Variants in KNL1 observed in about 807,000 individuals in gnomAD.
The protein encoded by KNL1 is kinetochore scaffold 1, also known as outer kinetochore KNL1 complex subunit KNL1.
Under a neutral mutation model 201.3 loss-of-function variants are expected in KNL1, and 66 were observed. The ratio of observed to expected loss-of-function variants is 0.33; its 90% CI spans 0.27 to 0.40. The LOEUF is 0.40. Among genes scored for constraint, KNL1 ranks in the 10% least tolerant of loss-of-function variants. The pLI is 1.00. For synonymous variants in KNL1, 895 were observed against 899.2 expected (o/e 1.00, Z 0.08); for missense variants, 2,815 against 2,690.5 (o/e 1.05, Z -1.02).
At chr15:40,606,970 C>T (rs1011400716) in intron 4 of KNL1, among the ~76,000 whole-genome samples, 2 of 152,184 alleles carry the variant, frequency 1.3e-5, no homozygotes, top group African/African-American at 2.4e-5. Flanking sequence ...TGTTGCCCCA[C>T]GCTGGTCTTG....
chr15:40,597,000 CAAAA>C (rs35126045), intron 1 of KNL1, among the ~76,000 whole-genome samples: 2 of 90,510 alleles, frequency 2.2e-5, no homozygotes, highest in African/African-American at 4.3e-5. Context: ...AACTCCATCT[CAAAA>C]AAAAAAAAAA....
At chr15:40,650,637 G>C in intron 19 of KNL1, 54 bp downstream of exon 19, 1 of 1,456,932 alleles carries the variant, frequency 6.9e-7, no homozygotes, top group South Asian at 1.4e-5. Flanking sequence ...CAGAAGGCTA[G>C]ATGACTTCCT....
chr15:40,621,760 T>C lies in KNL1; in HGVS notation c.1496T>C (p.Phe499Ser). ...ACAGTTGCAATAGATAATCAAATTT[T>C]TAAACAAGATCAATCAAATGTGCAA... ...SHTVAIDNQI[F>S]KQDQSNVQIA... The change falls in exon 10 of 26, where the codon TTT (phenylalanine) becomes TCT (serine). Residue 499 changes from phenylalanine (F) to serine (S), a missense_variant. This residue lies in a region of KNL1 where 2,464 missense variants were observed against 2,291.7 expected (regional missense o/e 1.08). Transcript: ENST00000399668. 2 of 1,613,906 alleles carry C rather than the reference T, an allele frequency of 1.2e-6. No individual in the cohort carries two copies. The highest frequency in any genetic ancestry group is 2.2e-5 in the South Asian group (2 of 91,076).
rs886051142 is a variant in KNL1, at chr15:40,628,094, G to A, written c.5401G>A (p.Asp1801Asn). ...GATTTTTGATCACCATACTGAAGAGGATATAGATAAAAGTGCTAACAGTGT... is the reference window on the plus strand; with the variant it reads ...GATTTTTGATCACCATACTGAAGAGAATATAGATAAAAGTGCTAACAGTGT... ...REIFDHHTEE[D>N]IDKSANSVLI... The change falls in exon 11 of 26, where the codon GAT (aspartate) becomes AAT (asparagine). Residue 1801 changes from aspartate to asparagine, a missense_variant. Around this residue, in one of 3 missense-constraint regions of KNL1, gnomAD observed 2,464 missense variants for 2,291.7 expected, o/e 1.08. Coordinates refer to ENST00000399668, the MANE Select transcript of KNL1 (RefSeq NM_144508.5). The A allele has an allele frequency of 3.1e-6, 5 of 1,606,384 alleles. No homozygotes were observed. The South Asian group carries it at 5.6e-5, about 18-fold the overall frequency.
intron 5 of KNL1, among the ~76,000 whole-genome samples, 195 bp from the exon 6 acceptor site, chr15:40,610,050 A>C (rs905710118): frequency 6.6e-6 from 1 of 152,196 alleles, no homozygotes; most frequent in Non-Finnish European, 1.5e-5. Context: ...AATCAAAAAT[A>C]AAAACAAAAC....
rs144805621 is a variant in KNL1, at chr15:40,608,511, C to T, written c.136-336C>T. ...TAATCCCAGCAGCACTTTGGGAGGCCGAGGTGGGCCGATCACCTGAGGTCG... is the reference window on the plus strand; with the variant it reads ...TAATCCCAGCAGCACTTTGGGAGGCTGAGGTGGGCCGATCACCTGAGGTCG... On this transcript the variant is annotated intron_variant, in intron 4 of 25. Coordinates refer to ENST00000399668, the MANE Select transcript of KNL1 (RefSeq NM_144508.5). Among the ~76,000 whole-genome samples the T allele has an allele frequency of 1.1e-4, 17 of 150,856 alleles. No individual in the cohort carries two copies. In the East Asian group the frequency reaches 2.5e-3, roughly 22 times the overall value.
chr15:40,654,638 G>A (rs908718342), intron 21 of KNL1, among the ~76,000 whole-genome samples: 8 of 151,762 alleles, frequency 5.3e-5, no homozygotes, highest in African/African-American at 1.9e-4. Flanking sequence ...GGGAAGCTGA[G>A]GTAGGCGGAT....
chr15:40,646,836 A>T (rs1402419002), intron 16 of KNL1, 151 bp from the exon 17 acceptor site: 1 of 425,986 alleles, frequency 2.3e-6, no homozygotes, highest in Non-Finnish European at 4.3e-6. Context: ...CAGCCTGGGT[A>T]ACAGAATGAG....
Position 40,663,574 on chromosome 15 carries a change from G to A in KNL1, c.*1386G>A, listed in dbSNP as rs577396010. On this transcript the variant is annotated 3_prime_UTR_variant, in exon 26 of 26. Transcript: ENST00000399668. The stretch of plus-strand genomic sequence containing the variant: ...ATTTTCTATTTTCTTTTATTAAATA[G>A]TGACACGTCAAACAATGTCACATCC... 1.0e-3 allele frequency: 194 copies of A among 191,116 alleles called. No individual in the cohort carries two copies. The highest frequency in any genetic ancestry group is 4.2e-3 in the African/African-American group (180 of 43,128). 11.8% of individuals were successfully genotyped at this position (191,116 alleles called of 1,614,324 possible). A position where few individuals can be genotyped will look rare whatever the true frequency, so the allele number is the denominator to read the frequency against.
In KNL1 at chr15:40,663,187, G is replaced by A. The variant is rs1247511830; in HGVS notation, c.*999G>A. Reference sequence around the variant, plus strand: ...CCATTCTCCTGCCTCAGCCTCCCGAGTAGCTGGGACTACAGGTGCCCACCA... The same window carrying A: ...CCATTCTCCTGCCTCAGCCTCCCGAATAGCTGGGACTACAGGTGCCCACCA... On this transcript the variant is annotated 3_prime_UTR_variant, in exon 26 of 26. Transcript: ENST00000399668. 6.3e-6 allele frequency: 1 copy of A among 157,782 alleles called. No homozygotes were observed. The highest frequency in any genetic ancestry group is 1.4e-5 in the Non-Finnish European group (1 of 71,686). The allele number at this position is 157,782 out of a possible 1,614,324, so 9.8% of individuals were successfully genotyped here. A position where few individuals can be genotyped will look rare whatever the true frequency, so the allele number is the denominator to read the frequency against.
Position 40,663,725 on chromosome 15 carries a change from A to G in KNL1, c.*1537A>G. ...TATTATGTATGAAGTAGACAAAAAA[A>G]TTTACTCAAACTTCATTCAAATCCT... On this transcript the variant is annotated 3_prime_UTR_variant, in exon 26 of 26. Transcript: ENST00000399668. 1 of 193,218 alleles carries G rather than the reference A, an allele frequency of 5.2e-6. No individual in the cohort carries two copies. The highest frequency in any genetic ancestry group is 8.2e-5 in the East Asian group (1 of 12,200). 12.0% of individuals were successfully genotyped at this position (193,218 alleles called of 1,614,324 possible).
At chr15:40,649,446 C>G (rs1595944509) in intron 17 of KNL1, among the ~76,000 whole-genome samples, 1 of 152,038 alleles carries the variant, frequency 6.6e-6, no homozygotes, top group African/African-American at 2.4e-5. Context: ...CAGGCATGCA[C>G]CACCACCCCC....
chr15:40,650,288 C>A lies in KNL1; in HGVS notation c.6095-13C>A. 2 of 1,522,618 alleles carry A rather than the reference C, an allele frequency of 1.3e-6. No homozygotes were observed. Among genetic ancestry groups the A allele is most frequent in the Non-Finnish European group, 1.8e-6 (2 of 1,100,350 alleles). 94.3% of individuals were successfully genotyped at this position (1,522,618 alleles called of 1,614,324 possible). On this transcript the variant is annotated splice_polypyrimidine_tract_variant and intron_variant, in intron 17 of 25. Coordinates refer to ENST00000399668, the MANE Select transcript of KNL1 (RefSeq NM_144508.5). ...TTTCACTGAATTATTCTAACAAATA[C>A]TGTCTACTTTAGAAACTAAGAATTT...
At position 40,623,312 on chromosome 15, in the gene KNL1, C is replaced by G. The variant is rs1434608135; in HGVS notation, c.3048C>G (p.Thr1016=). ...DRLVANDSQL[T]PLEEWSNNRG... is the part of the protein sequence containing the mutation. Reference sequence around the variant, plus strand: ...TAGTAGCAAATGACAGCCAGCTAACCCCTCTGGAGGAATGGTCTAATAATA... The same window carrying G: ...TAGTAGCAAATGACAGCCAGCTAACGCCTCTGGAGGAATGGTCTAATAATA... The change falls in exon 10 of 26, where the codon ACC becomes ACG. Residue 1016 remains threonine (T), a synonymous_variant. Transcript: ENST00000399668. 1 of 1,613,826 alleles carries G rather than the reference C, an allele frequency of 6.2e-7. No homozygotes were observed. The highest frequency in any genetic ancestry group is 2.2e-5 in the East Asian group (1 of 44,878).
intron 20 of KNL1, 54 bp downstream of exon 20, chr15:40,651,626 T>C (rs1893567213): frequency 8.1e-7 from 1 of 1,236,462 alleles, no homozygotes; most frequent in Admixed American, 2.2e-5. Flanking sequence ...CTTGTGGTTG[T>C]TTAAACCGAT....
chr15:40,608,764 A>T, intron 4 of KNL1, 83 bp from the exon 5 acceptor site: 1 of 845,376 alleles, frequency 1.2e-6, no homozygotes, highest in South Asian at 1.7e-5. Context: ...AAAAAAAAGG[A>T]CTTGATCTCT....
In KNL1 at chr15:40,624,663, C is replaced by G. The variant is rs765141534; in HGVS notation, c.4399C>G (p.Leu1467Val). 4.3e-6 allele frequency: 7 copies of G among 1,612,902 alleles called. No homozygotes were observed. Among genetic ancestry groups the G allele is most frequent in the Non-Finnish European group, 5.1e-6 (6 of 1,179,562 alleles). Reference sequence around the variant, plus strand: ...TAGTATCAATAAAGAAGAAGTAATACTGTCTAAAGCTGGAAATAAGAGTTT... The same window carrying G: ...TAGTATCAATAAAGAAGAAGTAATAGTGTCTAAAGCTGGAAATAAGAGTTT... ...QSSINKEEVI[L>V]SKAGNKSLNI... The change falls in exon 10 of 26, where the codon CTG becomes GTG. Residue 1467 changes from leucine (L) to valine (V), a missense_variant. Around this residue, in one of 3 missense-constraint regions of KNL1, gnomAD observed 2,464 missense variants for 2,291.7 expected, o/e 1.08. Transcript: ENST00000399668.
At chr15:40,649,050 C>G (rs895259435) in intron 17 of KNL1, among the ~76,000 whole-genome samples, 7 of 149,080 alleles carry the variant, frequency 4.7e-5, no homozygotes, top group African/African-American at 1.5e-4. Context: ...GTTGGTCAGG[C>G]TGATCTCGAA....
chr15:40,614,985 A>C (rs1349445866), intron 7 of KNL1, among the ~76,000 whole-genome samples: 1 of 152,084 alleles, frequency 6.6e-6, no homozygotes, highest in Non-Finnish European at 1.5e-5. Flanking sequence ...GCAGCCCTGG[A>C]CTTCAGGTCT....
Sources: allele counts gnomAD v4.1 joint callset (sites outside exome capture counted in the v4.1 genomes callset), GRCh38; gene constraint gnomAD v4.1.1; regional missense constraint gnomAD v4.1.1; transcripts MANE v1.5; gene names NCBI Gene and HGNC (gene_info 2026-07-23, HGNC 2026-07-21).